Variants in HLF observed in about 807,000 individuals in gnomAD.
HLF encodes the protein HLF transcription factor, PAR bZIP family member.
A neutral mutation model predicts 22.6 loss-of-function variants in HLF; 3 were observed. The ratio of observed to expected loss-of-function variants is 0.13; its 90% CI spans 0.06 to 0.34. HLF has a LOEUF of 0.34. Ranked by LOEUF, HLF falls within the 10% of genes least tolerant of loss-of-function variation. HLF has a pLI of 1.00. For missense variants in HLF, 299 were observed against 389.2 expected (o/e 0.77, Z 1.95); for synonymous variants, 151 against 151.8 (o/e 0.99, Z 0.04).
chr17:55,323,574 C>T lies in HLF; in HGVS notation c.*2695C>T, dbSNP rs1905339272. On this transcript the variant is annotated 3_prime_UTR_variant, in exon 4 of 4. Coordinates refer to ENST00000226067, the MANE Select transcript of HLF (RefSeq NM_002126.5). ...CAGGAGAGGTTTCAGAAACCTACCT[C>T]GTCTTACAAATTTAAACACTTTGGA... 1 of 225,212 alleles carries T rather than the reference C, an allele frequency of 4.4e-6. No individual in the cohort carries two copies. The highest frequency in any genetic ancestry group is 1.3e-3 in the Middle Eastern group (1 of 744). The allele number at this position is 225,212 out of a possible 1,614,324, so 14.0% of individuals were successfully genotyped here. A position where few individuals can be genotyped will look rare whatever the true frequency, so the allele number is the denominator to read the frequency against.
chr17:55,265,461 G>A lies in HLF; in HGVS notation c.-24G>A, dbSNP rs765778269. The A allele has an allele frequency of 1.4e-6, 2 of 1,382,660 alleles. No homozygotes were observed. The highest frequency in any genetic ancestry group is 2.9e-5 in the African/African-American group (2 of 69,590). 85.6% of individuals were successfully genotyped at this position (1,382,660 alleles called of 1,614,324 possible). On this transcript the variant is annotated 5_prime_UTR_variant, in exon 1 of 4. Coordinates refer to ENST00000226067, the MANE Select transcript of HLF (RefSeq NM_002126.5). ...TTTCTTTCTTATTTCTTTTTTTAAG[G>A]GGAAAAAATTTGAGTGCATCGCGAT... is the stretch of plus-strand genomic sequence containing the variant.
intron 2 of HLF, among the ~76,000 whole-genome samples, chr17:55,305,317 G>A (rs1904493922): frequency 1.3e-5 from 2 of 152,236 alleles, no homozygotes; most frequent in African/African-American, 4.8e-5. Flanking sequence ...CATTCAGGAG[G>A]ATGGAGGAAG....
At position 55,320,701 on chromosome 17, in the gene HLF, T is replaced by G. The variant is rs1488806779; in HGVS notation, c.710T>G (p.Met237Arg). Residue 237 changes from methionine (M) to arginine (R), a missense_variant, in exon 4 of 4, where the codon ATG (methionine) becomes AGG (arginine). Physicochemically the swap from Met to Arg is moderately conservative, Grantham distance 91. Coordinates refer to ENST00000226067, the MANE Select transcript of HLF (RefSeq NM_002126.5). The surrounding 1 kb of genome is among the most constrained non-coding windows in gnomAD (Gnocchi z 4.2). ...KYWARRRKNN[M>R]AAKRSRDARR... ...TGGGCAAGGCGCAGAAAGAACAACA[T>G]GGCAGCCAAGCGCTCCCGCGACGCC... 1 of 1,614,188 alleles carries G rather than the reference T, an allele frequency of 6.2e-7. No homozygotes were observed. The highest frequency in any genetic ancestry group is 1.7e-5 in the Admixed American group (1 of 60,026).
Position 55,321,031 on chromosome 17 carries a change from G to C in HLF, c.*152G>C, listed in dbSNP as rs1313356891. 3 of 632,116 alleles carry C rather than the reference G, an allele frequency of 4.7e-6. No homozygotes were observed. Among genetic ancestry groups the C allele is most frequent in the Non-Finnish European group, 8.5e-6 (3 of 353,138 alleles). 39.2% of individuals were successfully genotyped at this position (632,116 alleles called of 1,614,324 possible). ...TTTTGGTGTGCATCTGTGTGTGTGT[G>C]CGTGTATATGTGCTTGTGCTCATGT... is the stretch of plus-strand genomic sequence containing the variant. On this transcript the variant is annotated 3_prime_UTR_variant, in exon 4 of 4. Coordinates refer to ENST00000226067, the MANE Select transcript of HLF (RefSeq NM_002126.5).
Position 55,267,952 on chromosome 17 carries a change from ACAGCCCTCACCCTCCTGGGCTG to A in HLF, c.323_344del (p.Pro108GlnfsTer91). ...CCCCCCAGCCCATCTCAGCATGACCACAGCCCTCACCCTCCTGGGCTGCAGCCAGCTTCCTCGGCTGCCCCCT... is the reference window on the plus strand; with the variant it reads ...CCCCCCAGCCCATCTCAGCATGACCACAGCCAGCTTCCTCGGCTGCCCCCT... On this transcript the variant is annotated frameshift_variant, in exon 2 of 4. Transcript: ENST00000226067. LOFTEE classifies it high-confidence loss of function. 6.2e-7 allele frequency: 1 copy of A among 1,614,126 alleles called. No homozygotes were observed. Among genetic ancestry groups the A allele is most frequent in the Non-Finnish European group, 8.5e-7 (1 of 1,180,006 alleles).
chr17:55,286,802 C>T (rs1053013416), intron 2 of HLF, among the ~76,000 whole-genome samples: 1 of 152,152 alleles, frequency 6.6e-6, no homozygotes, highest in Non-Finnish European at 1.5e-5. Context: ...AGCCAAGCAA[C>T]AACCAATCAA....
At chr17:55,274,405 T>C (rs1193078397) in intron 2 of HLF, among the ~76,000 whole-genome samples, 2 of 152,160 alleles carry the variant, frequency 1.3e-5, no homozygotes, top group Admixed American at 1.3e-4. Context: ...ACAGCTAATA[T>C]TGATTATAGT....
chr17:55,285,767 C>T (rs559446746), intron 2 of HLF, among the ~76,000 whole-genome samples: 1 of 152,332 alleles, frequency 6.6e-6, no homozygotes, highest in South Asian at 2.1e-4. Flanking sequence ...AACACACTTT[C>T]GCATCACTCC....
chr17:55,282,391 T>A (rs2080962488), intron 2 of HLF, among the ~76,000 whole-genome samples: 2 of 152,216 alleles, frequency 1.3e-5, no homozygotes, highest in South Asian at 4.1e-4. Flanking sequence ...CTTCTCTGGC[T>A]TTTACTTCTT....
rs1343195291 is a variant in HLF, at chr17:55,324,807, G to A, written c.*3928G>A. 2.2e-5 allele frequency: 5 copies of A among 229,516 alleles called. No individual in the cohort carries two copies. The East Asian group carries it at 3.0e-4, about 14-fold the overall frequency. The allele number at this position is 229,516 out of a possible 1,614,324, so 14.2% of individuals were successfully genotyped here. Reference sequence around the variant, plus strand: ...AGTGTAAGAGTGTGTGTGTGTGTGTGTGCGTGCATGTGTGTGTGTGTGTAT... The same window carrying A: ...AGTGTAAGAGTGTGTGTGTGTGTGTATGCGTGCATGTGTGTGTGTGTGTAT... On this transcript the variant is annotated 3_prime_UTR_variant, in exon 4 of 4. Transcript: ENST00000226067.
chr17:55,270,512 A>C (rs2080841739), intron 2 of HLF, among the ~76,000 whole-genome samples: 1 of 152,216 alleles, frequency 6.6e-6, no homozygotes, highest in African/African-American at 2.4e-5. Context: ...GAGTGACCAG[A>C]ATAGAAGTAC....
chr17:55,324,815 A>ATGTGTGTGTG lies in HLF; in HGVS notation c.*3942_*3951dup, dbSNP rs371358640. ...AGTGTGTGTGTGTGTGTGTGCGTGC[A>ATGTGTGTGTG]TGTGTGTGTGTGTGTATGTGTGTGA... On this transcript the variant is annotated 3_prime_UTR_variant, in exon 4 of 4. Transcript: ENST00000226067. 5.1e-6 allele frequency: 1 copy of ATGTGTGTGTG among 196,648 alleles called. No individual in the cohort carries two copies. The highest frequency in any genetic ancestry group is 2.1e-4 in the South Asian group (1 of 4,840). 12.2% of individuals were successfully genotyped at this position (196,648 alleles called of 1,614,324 possible).
intron 1 of HLF, chr17:55,267,464 A>T (rs894737125): frequency 2.6e-5 from 8 of 312,318 alleles, no homozygotes; most frequent in African/African-American, 1.3e-4. Context: ...CTCTTCTCAA[A>T]TAATGTGCTG....
intron 2 of HLF, among the ~76,000 whole-genome samples, chr17:55,278,742 A>G (rs1418830486): frequency 6.6e-6 from 1 of 152,184 alleles, no homozygotes; most frequent in Non-Finnish European, 1.5e-5. Context: ...TGAGCAGAAG[A>G]CTGAATTCAC....
intron 2 of HLF, 107 bp downstream of exon 2, chr17:55,268,193 C>G (rs1461483269): frequency 1.3e-6 from 1 of 781,388 alleles, no homozygotes; most frequent in Non-Finnish European, 2.0e-6. Context: ...TAGCAAAGAT[C>G]CTAAGAGAGG....
intron 2 of HLF, among the ~76,000 whole-genome samples, chr17:55,311,182 GAACA>G (rs763152736): frequency 2.0e-5 from 3 of 152,072 alleles, no homozygotes; most frequent in Non-Finnish European, 4.4e-5. Flanking sequence ...TTTCTAAAAA[GAACA>G]AATAACCAAT....
At chr17:55,268,796 A>G (rs113361017) in intron 2 of HLF, among the ~76,000 whole-genome samples, 1 of 151,662 alleles carries the variant, frequency 6.6e-6, no homozygotes, top group African/African-American at 2.4e-5. Context: ...ATCAAAGCCC[A>G]CAAGGCTGCA....
chr17:55,274,437 T>C (rs2080887077), intron 2 of HLF, among the ~76,000 whole-genome samples: 1 of 152,172 alleles, frequency 6.6e-6, no homozygotes, highest in Non-Finnish European at 1.5e-5. Context: ...CCCCAGCAAA[T>C]GTCTTGTCCT....
At chr17:55,269,120 A>G (rs1199215188) in intron 2 of HLF, among the ~76,000 whole-genome samples, 1 of 152,086 alleles carries the variant, frequency 6.6e-6, no homozygotes, top group Non-Finnish European at 1.5e-5. Flanking sequence ...CGTGTCCTCG[A>G]CTCTTGTAGA....
Sources: gnomAD v4.1 joint callset for allele counts (sites outside exome capture counted in the v4.1 genomes callset) on GRCh38, gnomAD v4.1.1 for gene constraint, Gnocchi (gnomAD v3.1) non-coding constraint, MANE v1.5 for transcripts, NCBI Gene and HGNC (gene_info 2026-07-23, HGNC 2026-07-21) for gene names.